Variants in RAI1 observed in about 807,000 individuals in gnomAD.
The protein encoded by RAI1 is retinoic acid induced 1, also known as retinoic acid-induced protein 1.
A neutral mutation model predicts 123.8 loss-of-function variants in RAI1; 9 were observed. That is an observed-to-expected ratio of 0.07 (90% CI 0.04 to 0.13). The LOEUF (loss-of-function observed/expected upper bound fraction) is 0.13, where lower values mean the gene tolerates loss of function less well. Ranked by LOEUF, RAI1 falls within the 10% of genes least tolerant of loss-of-function variation. The probability of loss-of-function intolerance (pLI) is 1.00; values close to 1 mark genes in which losing one functional copy is unlikely to be tolerated. For missense variants in RAI1, 2,256 were observed against 2,545.8 expected, an observed-to-expected ratio of 0.89 and a Z score of 2.45; for synonymous variants, 1,231 against 1,127.3, an observed-to-expected ratio of 1.09 and a Z score of -1.84.
chr17:17,772,493 TCAC>T (rs2031196944), intron 2 of RAI1, among the ~76,000 whole-genome samples: 3 of 152,182 alleles, frequency 2.0e-5, no homozygotes, highest in African/African-American at 7.2e-5. Context: ...CCCGTGGCCC[TCAC>T]CACAACATCT....
intron 2 of RAI1, among the ~76,000 whole-genome samples, chr17:17,751,791 A>G (rs746283609): frequency 7.2e-5 from 11 of 152,064 alleles, no homozygotes; most frequent in African/African-American, 2.7e-4. Flanking sequence ...CACCTTATTT[A>G]AAACTACGAA....
At position 17,793,840 on chromosome 17, in the gene RAI1, C is replaced by G; in HGVS notation, c.892C>G (p.His298Asp). 6 of 1,613,288 alleles carry G rather than the reference C, an allele frequency of 3.7e-6. No individual in the cohort carries two copies. The highest frequency in any genetic ancestry group is 5.1e-6 in the Non-Finnish European group (6 of 1,180,022). ...GCAGCAAGCCCTTCAGAGCCGGCAC[C>G]ATGCCCAGGAAACCCTCCATTACCA... ...QQQQALQSRH[H>D]AQETLHYQNL... Residue 298 changes from histidine to aspartate, a missense_variant, in exon 3 of 6, where the codon CAT becomes GAT. Transcript: ENST00000353383.
At chr17:17,746,835 A>G (rs1315702111) in intron 2 of RAI1, among the ~76,000 whole-genome samples, 4 of 151,232 alleles carry the variant, frequency 2.6e-5, no homozygotes, top group East Asian at 1.9e-4. Flanking sequence ...GGGTTTCTCC[A>G]TGTTGGTCAG....
At chr17:17,745,035 C>A (rs989676891) in intron 2 of RAI1, among the ~76,000 whole-genome samples, 3 of 152,038 alleles carry the variant, frequency 2.0e-5, no homozygotes, top group Admixed American at 2.0e-4. Flanking sequence ...AGACTGACCC[C>A]TAAGCTGATA....
rs573327073 is a variant in RAI1 at position 17,793,465 on chromosome 17, G to A, written c.517G>A (p.Val173Ile). Residue 173 changes from valine (V) to isoleucine (I), a missense_variant, in exon 3 of 6, where the codon GTC becomes ATC. By Grantham distance (29) the Val-to-Ile change is conservative (BLOSUM62 3). Coordinates refer to ENST00000353383, the MANE Select transcript of RAI1 (RefSeq NM_030665.4). Reference protein sequence around the residue: ...QVPFRTHSLHVQQPPPPQQPL... With the variant: ...QVPFRTHSLHIQQPPPPQQPL... The stretch of plus-strand genomic sequence containing the variant: ...GCCCTTTCGGACTCACTCCCTGCAC[G>A]TCCAGCAGCCACCGCCGCCCCAGCA... The A allele has an allele frequency of 5.6e-5, 90 of 1,613,398 alleles. No individual in the cohort carries two copies. Among genetic ancestry groups the A allele is most frequent in the Admixed American group, 2.5e-4 (15 of 60,002 alleles).
chr17:17,684,367 T>TA (rs1384736301), intron 1 of RAI1: 1 of 152,122 alleles, frequency 6.6e-6, no homozygotes, highest in Non-Finnish European at 1.5e-5. Flanking sequence ...GTTTTTTTTT[T>TA]AATTACTGAT....
At chr17:17,702,265 A>T (rs1915247461) in intron 1 of RAI1, among the ~76,000 whole-genome samples, 1 of 152,214 alleles carries the variant, frequency 6.6e-6, no homozygotes, top group African/African-American at 2.4e-5. Context: ...TCTGTTGCCT[A>T]GCAACCTTCA....
rs1428351488 is a variant in RAI1, at chr17:17,800,856, C to A, written c.5565+2343C>A. ...GGGCGCCATGCTCCTTGGAGTGAGA[C>A]CCTGGTTCAAATCCCAGCTCTGCCG... On this transcript the variant is annotated intron_variant, in intron 3 of 5. Transcript: ENST00000353383. This position sits in a 1 kb window ranked among gnomAD's most constrained non-coding sequence, Gnocchi z 4.7. Among the ~76,000 whole-genome samples the A allele has an allele frequency of 2.0e-5, 3 of 152,234 alleles. No homozygotes were observed. The highest frequency in any genetic ancestry group is 4.4e-5 in the Non-Finnish European group (3 of 68,042).
chr17:17,731,780 G>C (rs1313645556), intron 2 of RAI1, among the ~76,000 whole-genome samples: 1 of 152,166 alleles, frequency 6.6e-6, no homozygotes, highest in Non-Finnish European at 1.5e-5. Context: ...CCAACCTCTT[G>C]CCTAAGCCCA....
intron 2 of RAI1, among the ~76,000 whole-genome samples, chr17:17,747,001 C>T (rs139010500): frequency 6.6e-5 from 10 of 152,282 alleles, no homozygotes; most frequent in African/African-American, 2.2e-4. Context: ...TTGAAAGATA[C>T]GGCTGCCAAA....
At chr17:17,767,903 CGT>C (rs756628217) in intron 2 of RAI1, among the ~76,000 whole-genome samples, 1 of 152,140 alleles carries the variant, frequency 6.6e-6, no homozygotes, top group Non-Finnish European at 1.5e-5. Flanking sequence ...AGCTCAGAAA[CGT>C]GGGCTCACTC....
At chr17:17,729,536 G>A (rs528500932) in intron 2 of RAI1, among the ~76,000 whole-genome samples, 261 of 152,324 alleles carry the variant, frequency 1.7e-3, no homozygotes, top group African/African-American at 5.8e-3. Flanking sequence ...CGCTGGCCAC[G>A]AGTGGGGGCT....
chr17:17,710,057 G>A (rs1042637088), intron 1 of RAI1, among the ~76,000 whole-genome samples: 3 of 152,060 alleles, frequency 2.0e-5, no homozygotes, highest in African/African-American at 7.2e-5. Context: ...CACACACTCT[G>A]CACCACTCGC....
chr17:17,708,885 C>T (rs933298102), intron 1 of RAI1, among the ~76,000 whole-genome samples: 1 of 152,262 alleles, frequency 6.6e-6, no homozygotes, highest in Non-Finnish European at 1.5e-5. Flanking sequence ...AGCTTCACAG[C>T]TGCCAGGGTT....
intron 1 of RAI1, among the ~76,000 whole-genome samples, chr17:17,706,102 G>A (rs565349093): frequency 2.5e-4 from 37 of 150,936 alleles, no homozygotes; most frequent in Non-Finnish European, 4.7e-4. Flanking sequence ...CTGAGGTAGC[G>A]CACAGGCCAG....
intron 2 of RAI1, among the ~76,000 whole-genome samples, chr17:17,789,820 G>T (rs899578360): frequency 6.6e-6 from 1 of 152,178 alleles, no homozygotes; most frequent in Non-Finnish European, 1.5e-5. Context: ...GGGGAGAAAC[G>T]GATGGATGGG....
At chr17:17,706,417 A>T (rs574563919) in intron 1 of RAI1, among the ~76,000 whole-genome samples, 35 of 152,344 alleles carry the variant, frequency 2.3e-4, no homozygotes, top group African/African-American at 8.4e-4. Flanking sequence ...ACAAGAGGCC[A>T]GCTGCTGAAG....
intron 2 of RAI1, chr17:17,782,193 A>G (rs1177143416): frequency 6.6e-6 from 1 of 152,050 alleles, no homozygotes; most frequent in Non-Finnish European, 1.5e-5. Context: ...GGAGGCGCTC[A>G]GAGTCCGGAG....
Position 17,782,287 on chromosome 17 carries a change from G to C in RAI1, c.-16-10646G>C, listed in dbSNP as rs919395103. The C allele has an allele frequency of 2.6e-5, 4 of 152,258 alleles. No homozygotes were observed. In the East Asian group the frequency reaches 7.8e-4, roughly 30 times the overall value. The allele number at this position is 152,258 out of a possible 1,614,324, so 9.4% of individuals were successfully genotyped here. ...CAAACCCGAGAGGCAGATATAGAAAGGGGGGCAGGTTAAAAATAACCCTCT... is the reference window on the plus strand; with the variant it reads ...CAAACCCGAGAGGCAGATATAGAAACGGGGGCAGGTTAAAAATAACCCTCT... On this transcript the variant is annotated intron_variant, in intron 2 of 5. Coordinates refer to ENST00000353383, the MANE Select transcript of RAI1 (RefSeq NM_030665.4).
Sources: gnomAD v4.1 joint callset for allele counts (sites outside exome capture counted in the v4.1 genomes callset) on GRCh38, gnomAD v4.1.1 for gene constraint, Gnocchi (gnomAD v3.1) non-coding constraint, MANE v1.5 for transcripts, NCBI Gene and HGNC (gene_info 2026-07-23, HGNC 2026-07-21) for gene names.